SFXN5: variants seen among roughly 807,000 people sequenced by gnomAD.
SFXN5 encodes sideroflexin 5, also known as sideroflexin-5.
In SFXN5, 43 loss-of-function variants were observed where a neutral mutation model predicts 50.2. The observed-to-expected ratio is 0.86, with a 90% CI of 0.67 to 1.11. SFXN5 has a LOEUF of 1.11. SFXN5 is among the 50% of genes least tolerant of loss of function. The pLI is 0.00. For missense variants in SFXN5, 463 were observed against 454.1 expected (o/e 1.02, Z -0.18); for synonymous variants, 203 against 185.8 (o/e 1.09, Z -0.75).
At chr2:72,984,946 G>C (rs1057155886) in intron 10 of SFXN5, among the ~76,000 whole-genome samples, 3 of 152,142 alleles carry the variant, frequency 2.0e-5, no homozygotes, top group African/African-American at 4.8e-5. Context: ...AGAAGAAACT[G>C]ACTCTTGGGG....
intron 10 of SFXN5, among the ~76,000 whole-genome samples, chr2:72,978,578 C>G (rs1185000574): frequency 6.6e-6 from 1 of 152,016 alleles, no homozygotes; most frequent in Non-Finnish European, 1.5e-5. Flanking sequence ...CCACCACGCC[C>G]GGCCCAGATG....
At chr2:72,978,527 C>T (rs950760549) in intron 10 of SFXN5, among the ~76,000 whole-genome samples, 5 of 152,150 alleles carry the variant, frequency 3.3e-5, no homozygotes, top group Admixed American at 3.3e-4. Context: ...AGGTGATCCA[C>T]TCGCCTCAGC....
chr2:73,015,930 C>T (rs1676089457), intron 6 of SFXN5, among the ~76,000 whole-genome samples: 1 of 145,516 alleles, frequency 6.9e-6, no homozygotes, highest in Admixed American at 6.9e-5. Context: ...AGAGTGATAC[C>T]TTGTCTCCAA....
rs57635824 is a variant in SFXN5 at position 73,012,649 on chromosome 2, AACACACACACACACACACACACACACAC to A, written c.357+7562_357+7589del. Among the ~76,000 whole-genome samples, 322 of 125,920 alleles carry A rather than the reference AACACACACACACACACACACACACACAC, an allele frequency of 2.6e-3. 2 individuals are homozygous for A. The highest frequency in any genetic ancestry group is 8.9e-3 in the African/African-American group (301 of 33,938). The allele number at this position is 125,920 out of a possible 152,430, so 82.6% of individuals were successfully genotyped here. On this transcript the variant is annotated intron_variant, in intron 6 of 13. Coordinates refer to ENST00000272433, the MANE Select transcript of SFXN5 (RefSeq NM_144579.3). Reference sequence around the variant, plus strand: ...GTTCTAAAGGGTATTCTAGCCAAACAACACACACACACACACACACACACACACACACACACACACACACACACACACA... The same window carrying A: ...GTTCTAAAGGGTATTCTAGCCAAACAACACACACACACACACACACACACA...
chr2:73,067,096 T>C (rs1276526875), intron 1 of SFXN5, among the ~76,000 whole-genome samples: 5 of 152,172 alleles, frequency 3.3e-5, no homozygotes, highest in Admixed American at 3.3e-4. Flanking sequence ...GTTAAGGACA[T>C]GGTTATGTTA....
At chr2:73,041,609 GAACCCA>G (rs1392594614) in intron 2 of SFXN5, 11 of 418,680 alleles carry the variant, frequency 2.6e-5, no homozygotes, top group African/African-American at 2.3e-4. Flanking sequence ...AAAATCACCT[GAACCCA>G]GGAGGCAGGG....
At chr2:73,053,178 A>G (rs555509533) in intron 2 of SFXN5, among the ~76,000 whole-genome samples, 1 of 152,110 alleles carries the variant, frequency 6.6e-6, no homozygotes, top group Non-Finnish European at 1.5e-5. Flanking sequence ...TGCCTCGAAA[A>G]AAAAAAAAAG....
intron 6 of SFXN5, among the ~76,000 whole-genome samples, chr2:73,009,234 C>T (rs1675169975): frequency 6.6e-6 from 1 of 152,234 alleles, no homozygotes; most frequent in Non-Finnish European, 1.5e-5. Context: ...AACCTTCACT[C>T]CCCTTCAGAC....
intron 4 of SFXN5, 96 bp from the exon 5 acceptor site, chr2:73,022,672 A>G: frequency 1.3e-6 from 1 of 754,712 alleles, no homozygotes. Flanking sequence ...CAGAGGCATT[A>G]GGGGAGGAAG....
At position 72,944,950 on chromosome 2, in the gene SFXN5, G is replaced by A. The variant is rs1173246981; in HGVS notation, c.*72C>T. 221 of 1,442,132 alleles carry A rather than the reference G, an allele frequency of 1.5e-4. No individual in the cohort carries two copies. The highest frequency in any genetic ancestry group is 2.1e-4 in the Non-Finnish European group (214 of 1,040,930). 89.3% of individuals were successfully genotyped at this position (1,442,132 alleles called of 1,614,324 possible). ...TGGCGTGCTGCTCCCTGCAGGTGCA[G>A]CCGTGAGTCTACGGCCCTGCCCCTC... is the stretch of plus-strand genomic sequence containing the variant. On this transcript the variant is annotated 3_prime_UTR_variant, in exon 14 of 14. Transcript: ENST00000272433.
At chr2:72,986,158 C>T (rs575136268) in intron 10 of SFXN5, among the ~76,000 whole-genome samples, 2 of 152,304 alleles carry the variant, frequency 1.3e-5, no homozygotes, top group South Asian at 2.1e-4. Context: ...TAATGGCCCA[C>T]GACAGAAATA....
At chr2:72,968,850 T>C (rs747143825) in intron 11 of SFXN5, among the ~76,000 whole-genome samples, 32 of 151,972 alleles carry the variant, frequency 2.1e-4, no homozygotes, top group African/African-American at 7.5e-4. Context: ...TCCCCCAGGC[T>C]GGAGTGCAGT....
chr2:72,962,128 CG>C (rs34582393), intron 12 of SFXN5, among the ~76,000 whole-genome samples: 1 of 152,236 alleles, frequency 6.6e-6, no homozygotes, highest in Non-Finnish European at 1.5e-5. Context: ...GGCCCTTCAG[CG>C]GGGACCACAG....
intron 3 of SFXN5, among the ~76,000 whole-genome samples, chr2:73,039,955 C>CTGG (rs200974522): frequency 2.0e-3 from 311 of 152,064 alleles, no homozygotes; most frequent in African/African-American, 7.2e-3. Flanking sequence ...GGATTACAGG[C>CTGG]GTCCACCACC....
chr2:72,998,823 A>G, intron 9 of SFXN5, 126 bp downstream of exon 9: 3 of 1,012,118 alleles, frequency 3.0e-6, no homozygotes, highest in Non-Finnish European at 4.4e-6. Context: ...TGACTCCTCC[A>G]CCCACAGAAA....
chr2:73,046,205 T>C (rs1352761214), intron 2 of SFXN5, among the ~76,000 whole-genome samples: 1 of 152,068 alleles, frequency 6.6e-6, no homozygotes, highest in Non-Finnish European at 1.5e-5. Flanking sequence ...GGTCAGGAGT[T>C]CGAGACCACC....
At chr2:73,051,256 A>ATTTTTTT (rs1160914961) in intron 2 of SFXN5, among the ~76,000 whole-genome samples, 1 of 58,950 alleles carries the variant, frequency 1.7e-5, no homozygotes, top group South Asian at 5.5e-4. Flanking sequence ...TTTTTCCAGC[A>ATTTTTTT]CTTTTTTTTT....
At chr2:72,957,721 G>C (rs1299538671) in intron 13 of SFXN5, among the ~76,000 whole-genome samples, 1 of 152,268 alleles carries the variant, frequency 6.6e-6, no homozygotes, top group Non-Finnish European at 1.5e-5. Flanking sequence ...AATTGGGAGA[G>C]TGAATGCGGA....
At chr2:73,048,400 G>C (rs1680795000) in intron 2 of SFXN5, among the ~76,000 whole-genome samples, 2 of 152,128 alleles carry the variant, frequency 1.3e-5, no homozygotes, top group Admixed American at 6.5e-5. Flanking sequence ...ATTTTTAGTA[G>C]AGACGAGGTT....
Sources: gnomAD v4.1 joint callset for allele counts (sites outside exome capture counted in the v4.1 genomes callset) on GRCh38, gnomAD v4.1.1 for gene constraint, MANE v1.5 for transcripts, NCBI Gene and HGNC (gene_info 2026-07-23, HGNC 2026-07-21) for gene names.